The following RUFY2 variants were observed in gnomAD, a reference collection of about 807,000 sequenced individuals.
The protein encoded by RUFY2 is RUN and FYVE domain containing 2, also known as RUN and FYVE domain-containing protein 2.
RUFY2 carries 49 observed loss-of-function variants against 94.4 expected under a neutral mutation model. The observed-to-expected ratio is 0.52, with a 90% confidence interval of 0.41 to 0.66. The LOEUF is 0.66. Ranked by LOEUF, RUFY2 falls within the 30% of genes least tolerant of loss-of-function variation. The pLI, the probability that RUFY2 is intolerant of heterozygous loss-of-function variation, is 0.00. For synonymous variants in RUFY2, 255 were observed against 235.7 expected, an observed-to-expected ratio of 1.08 and a Z score of -0.75; for missense variants, 541 against 692.8, an observed-to-expected ratio of 0.78 and a Z score of 2.46.
rs1365590539 is a variant in RUFY2, at chr10:68,406,994, G to C, written c.4+192C>G. 44 of 1,507,850 alleles carry C rather than the reference G, an allele frequency of 2.9e-5. No individual in the cohort carries two copies. In the East Asian group the frequency reaches 1.1e-3, roughly 38 times the overall value. The allele number at this position is 1,507,850 out of a possible 1,614,324, so 93.4% of individuals were successfully genotyped here. On this transcript the variant is annotated intron_variant, in intron 1 of 17. Transcript: ENST00000602465. ...CCCGGGCGGGAACGGGCCGGAACAA[G>C]GGAGGGGGCGCGTTGCCATGACGAC...
At chr10:68,341,642 G>C (rs2045952476), downstream of RUFY2, 1 of 1,613,708 alleles carries the variant, frequency 6.2e-7, no homozygotes, top group Admixed American at 1.7e-5. Flanking sequence ...TCTGGCATGG[G>C]AGGTTCTGGA....
chr10:68,376,254 C>T (rs1291759706), intron 13 of RUFY2, among the ~76,000 whole-genome samples: 1 of 147,706 alleles, frequency 6.8e-6, no homozygotes, highest in Non-Finnish European at 1.5e-5. Flanking sequence ...GGTGAAACCC[C>T]ATCTCTACTA....
downstream of RUFY2, chr10:68,342,715 A>G (rs1225701119): frequency 6.6e-6 from 1 of 152,650 alleles, no homozygotes; most frequent in African/African-American, 2.4e-5. Context: ...AAACCCCTTC[A>G]GCACTTGACC....
chr10:68,341,250 TAG>T, downstream of RUFY2: 1 of 1,607,048 alleles, frequency 6.2e-7, no homozygotes, highest in Non-Finnish European at 8.5e-7. Context: ...GAAGCAGATG[TAG>T]AGTTTGTGAC....
chr10:68,406,961 C>T (rs1394431632), intron 1 of RUFY2: 5 of 1,546,276 alleles, frequency 3.2e-6, no homozygotes, highest in Non-Finnish European at 3.5e-6. Context: ...GGCCACTATG[C>T]CTCAGAACCC....
chr10:68,363,497 A>G (rs1029662580), intron 15 of RUFY2, 93 bp downstream of exon 15: 11 of 785,144 alleles, frequency 1.4e-5, no homozygotes, highest in African/African-American at 7.1e-5. Flanking sequence ...TATCTTTCCT[A>G]TATTTAAACT....
intron 16 of RUFY2, among the ~76,000 whole-genome samples, chr10:68,348,114 CT>C (rs397975622): frequency 7.3e-4 from 104 of 142,614 alleles, no homozygotes; most frequent in Admixed American, 8.5e-4. Flanking sequence ...ATTATAAGGG[CT>C]TTTTTTTTTT....
Position 68,397,925 on chromosome 10 carries a change from G to A in RUFY2, c.297-1044C>T, listed in dbSNP as rs892262825. On this transcript the variant is annotated intron_variant, in intron 3 of 17. Transcript: ENST00000602465. ...GAGCGGATCACAAGGTCAGGAGTTC[G>A]AAAGAAGCCTAGCCAACATGGTGAA... Among the ~76,000 whole-genome samples the A allele has an allele frequency of 4.0e-5, 6 of 151,524 alleles. No individual in the cohort carries two copies. The East Asian group carries it at 5.9e-4, about 15-fold the overall frequency.
chr10:68,376,485 TATA>T (rs1450623729), intron 13 of RUFY2, among the ~76,000 whole-genome samples: 1,123 of 75,012 alleles, frequency 0.015, 169 homozygotes, highest in Non-Finnish European at 0.022. Flanking sequence ...TATATATATA[TATA>T]TATTCTCAGA....
At chr10:68,370,093 G>A (rs2048152602) in intron 13 of RUFY2, among the ~76,000 whole-genome samples, 1 of 152,082 alleles carries the variant, frequency 6.6e-6, no homozygotes, top group Admixed American at 6.6e-5. Flanking sequence ...AGACCAGCCT[G>A]ACCAACATGG....
chr10:68,345,484 T>C lies in RUFY2; in HGVS notation c.*284A>G. On this transcript the variant is annotated 3_prime_UTR_variant, in exon 18 of 18. Coordinates refer to ENST00000602465, the MANE Select transcript of RUFY2 (RefSeq NM_001330103.2). ...AAGAAAAAAACAATCTGAAGCCTTA[T>C]TTTTAAGGCCTTTACAAGATAAGGC... 2.5e-6 allele frequency: 1 copy of C among 407,300 alleles called. No individual in the cohort carries two copies. The highest frequency in any genetic ancestry group is 4.3e-6 in the Non-Finnish European group (1 of 231,904). The allele number at this position is 407,300 out of a possible 1,614,324, so 25.2% of individuals were successfully genotyped here.
At chr10:68,387,735 T>C (rs866758532) in intron 7 of RUFY2, among the ~76,000 whole-genome samples, 46 of 127,844 alleles carry the variant, frequency 3.6e-4, no homozygotes, top group Middle Eastern at 4.1e-3. Flanking sequence ...CCAGGCACAG[T>C]GGCTCACACC....
At chr10:68,348,297 G>C (rs1040746693) in intron 16 of RUFY2, among the ~76,000 whole-genome samples, 80 of 151,538 alleles carry the variant, frequency 5.3e-4, no homozygotes, top group African/African-American at 1.9e-3. Context: ...CTTTAGACCA[G>C]GAGTTCAAGA....
chr10:68,404,024 T>C (rs2051076116), intron 2 of RUFY2, among the ~76,000 whole-genome samples: 1 of 152,190 alleles, frequency 6.6e-6, no homozygotes, highest in African/African-American at 2.4e-5. Context: ...TGTACAACTC[T>C]TACATAGCCC....
intron 13 of RUFY2, among the ~76,000 whole-genome samples, chr10:68,375,097 A>G (rs997785182): frequency 5.3e-5 from 8 of 152,232 alleles, no homozygotes; most frequent in Middle Eastern, 3.4e-3. Context: ...AAGTTCTAAT[A>G]AAAATGTTCT....
At chr10:68,406,759 C>A (rs199759036) in intron 1 of RUFY2, 3 of 1,610,082 alleles carry the variant, frequency 1.9e-6, no homozygotes, top group South Asian at 1.1e-5. Context: ...CTCACCCAGG[C>A]TCCTGCGCGT....
intron 10 of RUFY2, 22 bp from the exon 11 acceptor site, chr10:68,381,421 A>T: frequency 6.3e-7 from 1 of 1,597,318 alleles, no homozygotes; most frequent in Non-Finnish European, 8.5e-7. Flanking sequence ...ATGTATCCTC[A>T]ATTCACATGC....
chr10:68,404,553 A>G (rs749742760), intron 2 of RUFY2, 118 bp downstream of exon 2: 11 of 537,286 alleles, frequency 2.0e-5, no homozygotes, highest in Non-Finnish European at 2.9e-5. Flanking sequence ...AAATCAATCC[A>G]CTCAATATTT....
chr10:68,370,937 C>T lies in RUFY2; in HGVS notation c.1325+5916G>A, dbSNP rs1177512874. Among the ~76,000 whole-genome samples, 4 of 151,746 alleles carry T rather than the reference C, an allele frequency of 2.6e-5. No individual in the cohort carries two copies. The East Asian group carries it at 7.8e-4, about 30-fold the overall frequency. On this transcript the variant is annotated intron_variant, in intron 13 of 17. Transcript: ENST00000602465. ...CACAAGGTCAAGAGATCGAGACCAT[C>T]CTGGCTAACATGGTGAAACCCTGTC...
Sources: allele counts gnomAD v4.1 joint callset (sites outside exome capture counted in the v4.1 genomes callset), GRCh38; gene constraint gnomAD v4.1.1; transcripts MANE v1.5; gene names NCBI Gene and HGNC (gene_info 2026-07-23, HGNC 2026-07-21).